The following NEK10 variants were observed in gnomAD, a reference collection of about 807,000 sequenced individuals.
The protein encoded by NEK10 is NIMA related kinase 10.
In NEK10, 122 loss-of-function variants were observed where a neutral mutation model predicts 159.8. The ratio of observed to expected loss-of-function variants is 0.76; its 90% CI spans 0.66 to 0.89. The LOEUF (loss-of-function observed/expected upper bound fraction) is 0.89, where lower values mean the gene tolerates loss of function less well. Among genes scored for constraint, NEK10 ranks in the 40% least tolerant of loss-of-function variants. NEK10 has a pLI of 0.00. For synonymous variants in NEK10, 466 were observed against 457.1 expected (o/e 1.02, Z -0.25); for missense variants, 1,342 against 1,323.1 (o/e 1.01, Z -0.22).
At chr3:27,236,167 G>C (rs1054356522) in intron 23 of NEK10, among the ~76,000 whole-genome samples, 1 of 152,070 alleles carries the variant, frequency 6.6e-6, no homozygotes, top group African/African-American at 2.4e-5. Flanking sequence ...GAGGATGGAA[G>C]GAGAGAGAGG....
intron 1 of NEK10, among the ~76,000 whole-genome samples, chr3:27,356,471 C>T (rs759434992): frequency 1.3e-5 from 2 of 152,152 alleles, no homozygotes; most frequent in Non-Finnish European, 1.5e-5. Context: ...CATGGTGTTA[C>T]TGCGTTCCAG....
rs1559461530 is a variant in NEK10 at position 27,108,316 on chromosome 3, C to T, written c.*2956G>A. Among the ~76,000 whole-genome samples, 1 of 152,170 alleles carries T rather than the reference C, an allele frequency of 6.6e-6. No individual in the cohort carries two copies. The highest frequency in any genetic ancestry group is 2.4e-5 in the African/African-American group (1 of 41,434). On this transcript the variant is annotated 3_prime_UTR_variant, in exon 36 of 36. Transcript: ENST00000691995. ...TGAAATTCATCCACAAGCAGTGGGT[C>T]CAAGTGTCCACGTCACTATTCCCTT...
At chr3:27,114,937 A>G (rs531480670) in intron 35 of NEK10, among the ~76,000 whole-genome samples, 7 of 152,278 alleles carry the variant, frequency 4.6e-5, no homozygotes, top group Non-Finnish European at 8.8e-5. Flanking sequence ...CCATACCCCT[A>G]TCTATTCCAC....
At chr3:27,113,480 T>C (rs192048159) in intron 35 of NEK10, among the ~76,000 whole-genome samples, 44 of 146,440 alleles carry the variant, frequency 3.0e-4, no homozygotes, top group East Asian at 8.0e-4. Flanking sequence ...GGGAATACCA[T>C]GGATATATGG....
intron 23 of NEK10, among the ~76,000 whole-genome samples, chr3:27,250,467 T>G (rs1225082127): frequency 6.6e-6 from 1 of 152,194 alleles, no homozygotes. Context: ...ATTACAGGTG[T>G]CAGCCACTGT....
At chr3:27,227,657 T>C (rs1016111050) in intron 23 of NEK10, among the ~76,000 whole-genome samples, 44 of 152,298 alleles carry the variant, frequency 2.9e-4, no homozygotes, top group Non-Finnish European at 4.4e-4. Flanking sequence ...ACACATTGTA[T>C]GTCAGCAATT....
chr3:27,317,597 T>G (rs1423600466), intron 6 of NEK10, among the ~76,000 whole-genome samples: 1 of 152,192 alleles, frequency 6.6e-6, no homozygotes, highest in Non-Finnish European at 1.5e-5. Context: ...TTTTTAAGAA[T>G]GGAGCACATT....
chr3:27,331,940 G>A (rs1325936679), intron 5 of NEK10, among the ~76,000 whole-genome samples: 1 of 152,146 alleles, frequency 6.6e-6, no homozygotes, highest in African/African-American at 2.4e-5. Context: ...TTTCAGAAAA[G>A]TAAATTAATT....
chr3:27,194,551 C>T (rs1575184352), intron 25 of NEK10: 2 of 152,250 alleles, frequency 1.3e-5, no homozygotes, highest in East Asian at 3.9e-4. Context: ...TCCACTTTGT[C>T]CCCACTCCAC....
chr3:27,331,317 T>A (rs2046406428), intron 5 of NEK10, among the ~76,000 whole-genome samples: 1 of 150,608 alleles, frequency 6.6e-6, no homozygotes, highest in Non-Finnish European at 1.5e-5. Context: ...GTGCCCAGTC[T>A]ATGGTGCTAA....
chr3:27,178,772 G>T (rs2148904054), intron 26 of NEK10, among the ~76,000 whole-genome samples: 1 of 152,318 alleles, frequency 6.6e-6, no homozygotes, highest in South Asian at 2.1e-4. Context: ...TGAGTGAACT[G>T]CTCACTGTAG....
intron 22 of NEK10, among the ~76,000 whole-genome samples, chr3:27,268,833 T>C (rs533699486): frequency 4.6e-5 from 7 of 152,346 alleles, no homozygotes; most frequent in African/African-American, 1.7e-4. Flanking sequence ...GTGACTCCTC[T>C]AATGGATCTG....
chr3:27,236,854 CAG>C (rs1953972822), intron 23 of NEK10, among the ~76,000 whole-genome samples: 1 of 152,102 alleles, frequency 6.6e-6, no homozygotes, highest in Non-Finnish European at 1.5e-5. Flanking sequence ...CAACAGAAAA[CAG>C]GGTTCAAGAG....
intron 23 of NEK10, among the ~76,000 whole-genome samples, chr3:27,207,864 A>G (rs6806325): frequency 0.24 from 35,967 of 152,068 alleles, 4,578 homozygotes; most frequent in Middle Eastern, 0.38. Flanking sequence ...AACTCTATCT[A>G]AACTCATGAG....
Position 27,151,628 on chromosome 3 carries a change from C to T in NEK10, c.2870-10046G>A, listed in dbSNP as rs559255128. ...ACACCCCCCAAAAATCACACTTGTT[C>T]ACCAGCAATGGAGCCAAACCAAGAA... On this transcript the variant is annotated intron_variant, in intron 30 of 35. Coordinates refer to ENST00000691995, the MANE Select transcript of NEK10 (RefSeq NM_001394966.1). Among the ~76,000 whole-genome samples the T allele has an allele frequency of 2.3e-4, 35 of 152,248 alleles. 1 individual carries two copies. Among genetic ancestry groups the T allele is most frequent in the Admixed American group, 2.0e-4 (3 of 15,288 alleles).
chr3:27,299,148 G>T (rs928866545), intron 13 of NEK10, among the ~76,000 whole-genome samples: 1 of 152,158 alleles, frequency 6.6e-6, no homozygotes, highest in African/African-American at 2.4e-5. Context: ...CCCATCACAG[G>T]CCTGGAGGTT....
rs1265297085 is a variant in NEK10, at chr3:27,109,356, G to A, written c.*1916C>T. Among the ~76,000 whole-genome samples the A allele has an allele frequency of 6.9e-6, 1 of 145,294 alleles. No individual in the cohort carries two copies. The highest frequency in any genetic ancestry group is 1.5e-5 in the Non-Finnish European group (1 of 66,898). ...ATCTCGCCATTGCACTCAAGCCTGGGCAACAGAGTGAGACTCTGTCTTAAA... is the reference window on the plus strand; with the variant it reads ...ATCTCGCCATTGCACTCAAGCCTGGACAACAGAGTGAGACTCTGTCTTAAA... On this transcript the variant is annotated 3_prime_UTR_variant, in exon 36 of 36. Coordinates refer to ENST00000691995, the MANE Select transcript of NEK10 (RefSeq NM_001394966.1).
chr3:27,174,063 A>G (rs1003573052), intron 28 of NEK10, among the ~76,000 whole-genome samples: 2 of 152,200 alleles, frequency 1.3e-5, no homozygotes, highest in Non-Finnish European at 2.9e-5. Context: ...CACAAAAATT[A>G]GTCTATACCA....
At chr3:27,358,113 T>G (rs1311205159) in intron 1 of NEK10, among the ~76,000 whole-genome samples, 2 of 152,250 alleles carry the variant, frequency 1.3e-5, no homozygotes, top group African/African-American at 4.8e-5. Context: ...AAATAAGTGT[T>G]AAGAGAATTT....
Sources: allele counts gnomAD v4.1 joint callset (sites outside exome capture counted in the v4.1 genomes callset), GRCh38; gene constraint gnomAD v4.1.1; transcripts MANE v1.5; gene names NCBI Gene and HGNC (gene_info 2026-07-23, HGNC 2026-07-21).